Variants in PPM1L observed in about 807,000 individuals in gnomAD.
The protein encoded by PPM1L is protein phosphatase, Mg2+/Mn2+ dependent 1L, also known as protein phosphatase 1L.
In PPM1L, 13 loss-of-function variants were observed where a neutral mutation model predicts 31.4. The observed-to-expected ratio is 0.41, with a 90% confidence interval of 0.27 to 0.66. The LOEUF (loss-of-function observed/expected upper bound fraction) is 0.66. Among genes scored for constraint, PPM1L ranks in the 30% least tolerant of loss-of-function variants. The probability of loss-of-function intolerance (pLI) is 0.29; values close to 1 mark genes in which losing one functional copy is unlikely to be tolerated. For synonymous variants in PPM1L, 184 were observed against 175.4 expected (o/e 1.05, Z -0.39); for missense variants, 326 against 453.7 (o/e 0.72, Z 2.56).
chr3:161,037,102 C>G (rs962659994), intron 2 of PPM1L, among the ~76,000 whole-genome samples: 4 of 152,212 alleles, frequency 2.6e-5, no homozygotes, highest in Middle Eastern at 3.2e-3. Context: ...TGATACTTCT[C>G]TCATTGCGGT....
chr3:160,835,064 C>CTTCTTCTTCTTCTTCTTT (rs1713663191), intron 1 of PPM1L, among the ~76,000 whole-genome samples: 21 of 146,760 alleles, frequency 1.4e-4, no homozygotes, highest in African/African-American at 5.5e-4. Context: ...TCTTCTTCTT[C>CTTCTTCTTCTTCTTCTTT]TTCTTCTTCT....
At chr3:160,843,634 A>C (rs1428993168) in intron 1 of PPM1L, among the ~76,000 whole-genome samples, 4 of 151,328 alleles carry the variant, frequency 2.6e-5, no homozygotes, top group Non-Finnish European at 4.4e-5. Flanking sequence ...ACACCACAAC[A>C]GGCCCCGGTG....
intron 1 of PPM1L, among the ~76,000 whole-genome samples, chr3:160,917,762 G>A (rs1231143060): frequency 3.9e-5 from 6 of 152,100 alleles, no homozygotes; most frequent in South Asian, 2.1e-4. Flanking sequence ...ATTTGGGACC[G>A]TTTAGTACAT....
In PPM1L at chr3:161,073,450, A is replaced by C. The variant is rs547696735; in HGVS notation, c.*4293A>C. On this transcript the variant is annotated 3_prime_UTR_variant, in exon 4 of 4. Coordinates refer to ENST00000498165, the MANE Select transcript of PPM1L (RefSeq NM_139245.4). ...CAACTTAGAAGCATGAGCCTTTCAT[A>C]TATGAAGCTGACTTGTTAATAAAAG... 6.6e-6 allele frequency: 1 copy of C among 152,226 alleles called. No individual in the cohort carries two copies. Among genetic ancestry groups the C allele is most frequent in the South Asian group, 2.1e-4 (1 of 4,830 alleles). 9.4% of individuals were successfully genotyped at this position (152,226 alleles called of 1,614,324 possible). A position where few individuals can be genotyped will look rare whatever the true frequency, so the allele number is the denominator to read the frequency against.
At chr3:160,857,480 G>A (rs1560128404) in intron 1 of PPM1L, among the ~76,000 whole-genome samples, 1 of 152,142 alleles carries the variant, frequency 6.6e-6, no homozygotes, top group Non-Finnish European at 1.5e-5. Context: ...GCCTTAAAAT[G>A]TAATGCAAAA....
intron 1 of PPM1L, chr3:160,882,206 G>A (rs1241597369): frequency 6.6e-6 from 1 of 152,194 alleles, no homozygotes; most frequent in African/African-American, 2.4e-5. Flanking sequence ...ACTGGTTGAT[G>A]TAATCTATTT....
At chr3:160,977,137 C>A (rs1170421729) in intron 2 of PPM1L, among the ~76,000 whole-genome samples, 1 of 152,056 alleles carries the variant, frequency 6.6e-6, no homozygotes, top group Non-Finnish European at 1.5e-5. Context: ...TTTTTTAAGT[C>A]ACCTTCTAGT....
chr3:161,054,373 G>C (rs1559938842), intron 2 of PPM1L, among the ~76,000 whole-genome samples: 1 of 151,206 alleles, frequency 6.6e-6, no homozygotes, highest in East Asian at 1.9e-4. Flanking sequence ...CTTGTACTAT[G>C]ATGTCTTTCT....
At chr3:160,979,214 T>G (rs1269296730) in intron 2 of PPM1L, among the ~76,000 whole-genome samples, 2 of 152,022 alleles carry the variant, frequency 1.3e-5, no homozygotes, top group Non-Finnish European at 2.9e-5. Context: ...GTTTATTTAT[T>G]TGACAGTAAT....
chr3:160,853,859 A>G (rs1398941952), intron 1 of PPM1L, among the ~76,000 whole-genome samples: 1 of 152,228 alleles, frequency 6.6e-6, no homozygotes, highest in Non-Finnish European at 1.5e-5. Flanking sequence ...GCAGATGTCA[A>G]CAAAATCTTT....
chr3:160,961,330 G>A (rs1293569088), intron 1 of PPM1L, among the ~76,000 whole-genome samples: 1 of 152,112 alleles, frequency 6.6e-6, no homozygotes, highest in Non-Finnish European at 1.5e-5. Flanking sequence ...ACAAAGTAGG[G>A]ATGTGGATGC....
intron 1 of PPM1L, among the ~76,000 whole-genome samples, chr3:160,878,013 G>C (rs1227894479): frequency 6.6e-6 from 1 of 152,172 alleles, no homozygotes; most frequent in Non-Finnish European, 1.5e-5. Flanking sequence ...CTCTTTGTTA[G>C]AGAAGAAATG....
chr3:160,808,397 G>GCGCGCGCGCA lies in PPM1L; in HGVS notation c.399+51690_399+51691insCGCGCGCGCA, dbSNP rs1712696169. 2.7e-5 allele frequency among the ~76,000 whole-genome samples: 4 copies of GCGCGCGCGCA among 148,898 alleles called. 1 individual carries two copies. Among genetic ancestry groups the GCGCGCGCGCA allele is most frequent in the Admixed American group, 1.3e-4 (2 of 14,884 alleles). On this transcript the variant is annotated intron_variant, in intron 1 of 3. Transcript: ENST00000498165. ...CCAGGATTTTCCTGTGTGTGTGTGTGTGTGTGTGTGTGTGTGTGTGTGTGT... is the reference window on the plus strand; with the variant it reads ...CCAGGATTTTCCTGTGTGTGTGTGTGCGCGCGCGCATGTGTGTGTGTGTGTGTGTGTGTGT...
intron 2 of PPM1L, among the ~76,000 whole-genome samples, chr3:161,047,395 C>T (rs1002919535): frequency 1.3e-5 from 2 of 152,104 alleles, no homozygotes; most frequent in African/African-American, 4.8e-5. Flanking sequence ...TGAAGGACCT[C>T]TTCAAGGAGA....
In PPM1L at chr3:160,924,137, C is replaced by T. The variant is rs184055826; in HGVS notation, c.400-37599C>T. On this transcript the variant is annotated intron_variant, in intron 1 of 3. Transcript: ENST00000498165. ...AAGAGGTAAATGCTGAAAGAGGGTG[C>T]GATTTGGTGTTGCCATTGAGCCACA... 2.5e-3 allele frequency among the ~76,000 whole-genome samples: 374 copies of T among 152,202 alleles called. 2 individuals carry two copies. The highest frequency in any genetic ancestry group is 8.4e-3 in the African/African-American group (349 of 41,530).
At chr3:160,760,993 A>G (rs1714954974) in intron 1 of PPM1L, among the ~76,000 whole-genome samples, 1 of 152,214 alleles carries the variant, frequency 6.6e-6, no homozygotes, top group Non-Finnish European at 1.5e-5. Context: ...CACTTCTCAG[A>G]AGCTCAGAAA....
At chr3:160,914,801 AC>A (rs1714102827) in intron 1 of PPM1L, among the ~76,000 whole-genome samples, 1 of 152,114 alleles carries the variant, frequency 6.6e-6, no homozygotes, top group Admixed American at 6.6e-5. Context: ...TTGGGTATAT[AC>A]CCAGTAATGG....
chr3:160,835,779 T>C (rs1713696819), intron 1 of PPM1L, among the ~76,000 whole-genome samples: 1 of 152,218 alleles, frequency 6.6e-6, no homozygotes, highest in Non-Finnish European at 1.5e-5. Context: ...TGGATGTGAA[T>C]ATATTTTTGA....
chr3:161,057,061 T>TG (rs1719433309), intron 2 of PPM1L, among the ~76,000 whole-genome samples: 8 of 147,054 alleles, frequency 5.4e-5, no homozygotes. Context: ...GAACTCCATC[T>TG]CAAAAAAATA....
Sources: allele counts gnomAD v4.1 joint callset (sites outside exome capture counted in the v4.1 genomes callset), GRCh38; gene constraint gnomAD v4.1.1; transcripts MANE v1.5; gene names NCBI Gene and HGNC (gene_info 2026-07-23, HGNC 2026-07-21).